The following THEMIS variants were observed in gnomAD, a reference collection of about 807,000 sequenced individuals.
The protein encoded by THEMIS is protein THEMIS.
Under a neutral mutation model 52.6 loss-of-function variants are expected in THEMIS, and 37 were observed. The ratio of observed to expected loss-of-function variants is 0.70; its 90% CI spans 0.54 to 0.93. THEMIS has a LOEUF of 0.93. THEMIS is among the 40% of genes least tolerant of loss of function. THEMIS has a pLI of 0.00. For missense variants in THEMIS, 808 were observed against 763.1 expected, an observed-to-expected ratio of 1.06 and a Z score of -0.69; for synonymous variants, 292 against 272.7, an observed-to-expected ratio of 1.07 and a Z score of -0.70.
Position 127,829,931 on chromosome 6 carries a change from A to C in THEMIS, c.254T>G (p.Leu85Arg), listed in dbSNP as rs1292014927. ...AGTTTTATCAGCCACAATCTTAAAA[A>C]GACCTAAGAACAGAATTACGTGAAT... The part of the protein sequence containing the change: ...PFELPMNFPG[L>R]FKIVADKTPY... Residue 85 changes from leucine to arginine, a missense_variant, in exon 3 of 6, where the codon CTT becomes CGT. Transcript: ENST00000368248. 2 of 1,604,268 alleles carry C rather than the reference A, an allele frequency of 1.2e-6. No individual in the cohort carries two copies. Among genetic ancestry groups the C allele is most frequent in the Non-Finnish European group, 1.7e-6 (2 of 1,175,320 alleles).
upstream of THEMIS, among the ~76,000 whole-genome samples, chr6:127,903,072 C>T (rs1047268535): frequency 6.6e-6 from 1 of 152,042 alleles, no homozygotes; most frequent in African/African-American, 2.4e-5. Context: ...ATTAATGACA[C>T]TGCTATTCTC....
chr6:127,847,716 T>C (rs2114715118), intron 2 of THEMIS, among the ~76,000 whole-genome samples: 1 of 151,958 alleles, frequency 6.6e-6, no homozygotes, highest in Non-Finnish European at 1.5e-5. Flanking sequence ...ATGACCACAC[T>C]GCCCAAAGGA....
chr6:127,868,780 C>A (rs769008086), intron 1 of THEMIS, among the ~76,000 whole-genome samples: 1 of 152,052 alleles, frequency 6.6e-6, no homozygotes, highest in Non-Finnish European at 1.5e-5. Context: ...AACTATTATA[C>A]CAGGCAAGGG....
intron 3 of THEMIS, among the ~76,000 whole-genome samples, chr6:127,826,413 G>C (rs1778508178): frequency 6.6e-6 from 1 of 152,112 alleles, no homozygotes; most frequent in South Asian, 2.1e-4. Context: ...AGATACAACT[G>C]TTCTGATACT....
At chr6:127,759,786 C>G (rs920990897) in intron 4 of THEMIS, among the ~76,000 whole-genome samples, 5 of 150,684 alleles carry the variant, frequency 3.3e-5, no homozygotes, top group Non-Finnish European at 7.4e-5. Context: ...TCCTTCCTTC[C>G]TTCCCTCCTT....
intron 4 of THEMIS, among the ~76,000 whole-genome samples, chr6:127,772,960 G>A (rs1291569604): frequency 2.0e-5 from 3 of 152,110 alleles, no homozygotes; most frequent in African/African-American, 7.2e-5. Context: ...CATAAAAATG[G>A]TTATGTTAAA....
chr6:127,787,819 A>ATAGG (rs1463968432), intron 4 of THEMIS, among the ~76,000 whole-genome samples: 3 of 141,726 alleles, frequency 2.1e-5, no homozygotes, highest in Non-Finnish European at 3.1e-5. Flanking sequence ...AGATAGATAG[A>ATAGG]TAGATAGATA....
At chr6:127,756,230 T>C (rs1436359119) in intron 4 of THEMIS, among the ~76,000 whole-genome samples, 1 of 152,186 alleles carries the variant, frequency 6.6e-6, no homozygotes, top group Admixed American at 6.5e-5. Flanking sequence ...AAACATCTCC[T>C]TAATCTGTAG....
chr6:127,789,947 T>A (rs900431790), intron 4 of THEMIS, among the ~76,000 whole-genome samples: 20 of 152,146 alleles, frequency 1.3e-4, no homozygotes, highest in Admixed American at 1.1e-3. Context: ...GCTGGAAGTA[T>A]TCCCTTTGAA....
chr6:127,895,269 A>G (rs559876597), intron 1 of THEMIS, among the ~76,000 whole-genome samples: 4 of 151,580 alleles, frequency 2.6e-5, no homozygotes, highest in African/African-American at 7.2e-5. Flanking sequence ...GAATAAGACA[A>G]GGATTTCCAC....
At chr6:127,754,150 A>T (rs2114351456) in intron 4 of THEMIS, among the ~76,000 whole-genome samples, 1 of 152,268 alleles carries the variant, frequency 6.6e-6, no homozygotes, top group African/African-American at 2.4e-5. Flanking sequence ...TGCTTTACAA[A>T]ACATACATTA....
At chr6:127,827,897 G>A (rs765953685) in intron 3 of THEMIS, among the ~76,000 whole-genome samples, 3 of 151,978 alleles carry the variant, frequency 2.0e-5, no homozygotes, top group African/African-American at 7.3e-5. Context: ...TATACTTCAA[G>A]ACCCTCCATG....
intron 1 of THEMIS, among the ~76,000 whole-genome samples, chr6:127,911,984 G>A (rs1261612315): frequency 6.6e-6 from 1 of 152,102 alleles, no homozygotes; most frequent in Non-Finnish European, 1.5e-5. Flanking sequence ...CAGTTTGTCT[G>A]ATGTTTTTCT....
chr6:127,811,920 G>A, intron 4 of THEMIS, among the ~76,000 whole-genome samples: 1 of 152,152 alleles, frequency 6.6e-6, no homozygotes, highest in Admixed American at 6.5e-5. Flanking sequence ...GATTTCCCTA[G>A]CTACAATCAG....
chr6:127,875,817 T>C (rs1251922081), intron 1 of THEMIS, among the ~76,000 whole-genome samples: 2 of 152,206 alleles, frequency 1.3e-5, no homozygotes, highest in Non-Finnish European at 2.9e-5. Context: ...CTATGTGTCA[T>C]GTGTCACCTT....
chr6:127,787,679 C>T (rs1317182940), intron 4 of THEMIS, among the ~76,000 whole-genome samples: 3 of 151,986 alleles, frequency 2.0e-5, no homozygotes, highest in Admixed American at 6.6e-5. Flanking sequence ...AAATGATTCT[C>T]GTTTCTCATC....
At chr6:127,705,633 C>T (rs535448653), downstream of THEMIS, among the ~76,000 whole-genome samples, 19 of 152,150 alleles carry the variant, frequency 1.2e-4, no homozygotes, top group Non-Finnish European at 2.4e-4. Context: ...CTTTTCCTTT[C>T]CACAGTGCCT....
At chr6:127,915,724 C>A (rs768243922) in intron 1 of THEMIS, among the ~76,000 whole-genome samples, 1 of 152,098 alleles carries the variant, frequency 6.6e-6, no homozygotes, top group Non-Finnish European at 1.5e-5. Flanking sequence ...TGGTGGCTCA[C>A]GCCTGTAATC....
intron 4 of THEMIS, among the ~76,000 whole-genome samples, chr6:127,805,583 A>G (rs903284907): frequency 3.9e-5 from 6 of 152,032 alleles, no homozygotes; most frequent in African/African-American, 9.7e-5. Flanking sequence ...TTGGGAAAAA[A>G]TACTGATTTT....
Sources: allele counts gnomAD v4.1 joint callset (sites outside exome capture counted in the v4.1 genomes callset), GRCh38; gene constraint gnomAD v4.1.1; transcripts MANE v1.5; gene names NCBI Gene and HGNC (gene_info 2026-07-23, HGNC 2026-07-21).